Variants in PDE2A observed in about 807,000 individuals in gnomAD.
PDE2A encodes phosphodiesterase 2A.
PDE2A carries 53 observed loss-of-function variants against 133.6 expected under a neutral mutation model. The ratio of observed to expected loss-of-function variants is 0.40; its 90% CI spans 0.32 to 0.50. PDE2A has a LOEUF of 0.50. PDE2A is among the 20% of genes least tolerant of loss of function. PDE2A has a pLI of 0.73. For synonymous variants in PDE2A, 491 were observed against 490.2 expected (o/e 1.00, Z -0.02); for missense variants, 796 against 1,232.4 (o/e 0.65, Z 5.30).
At chr11:72,662,705 CG>C (rs1458284873) in intron 1 of PDE2A, among the ~76,000 whole-genome samples, 1 of 152,100 alleles carries the variant, frequency 6.6e-6, no homozygotes, top group Non-Finnish European at 1.5e-5. Context: ...GCAGGTGAGC[CG>C]GGAAGTAGCG....
At chr11:72,666,329 G>A (rs1409375329) in intron 1 of PDE2A, among the ~76,000 whole-genome samples, 1 of 152,162 alleles carries the variant, frequency 6.6e-6, no homozygotes, top group Non-Finnish European at 1.5e-5. Context: ...TTCAGTAGTT[G>A]CATCAGTACA....
At chr11:72,615,624 C>T (rs992159189) in intron 2 of PDE2A, among the ~76,000 whole-genome samples, 3 of 151,904 alleles carry the variant, frequency 2.0e-5, no homozygotes, top group Non-Finnish European at 4.4e-5. Flanking sequence ...GCTGCTTCAT[C>T]TACAGGGAAG....
At chr11:72,579,181 G>T in intron 27 of PDE2A, 103 bp downstream of exon 27, 1 of 988,758 alleles carries the variant, frequency 1.0e-6, no homozygotes, top group Non-Finnish European at 1.6e-6. Flanking sequence ...GAGAAGGGTT[G>T]ATGTTGCAGG....
At chr11:72,659,269 C>T (rs1461594902) in intron 1 of PDE2A, 1 of 149,050 alleles carries the variant, frequency 6.7e-6, no homozygotes, top group African/African-American at 2.5e-5. Context: ...TGTTGCCGTC[C>T]CAGTTCTCAA....
intron 1 of PDE2A, among the ~76,000 whole-genome samples, chr11:72,655,759 G>C (rs1339487702): frequency 6.6e-6 from 1 of 151,990 alleles, no homozygotes; most frequent in African/African-American, 2.4e-5. Context: ...TGCTACACGA[G>C]AGCTTTTATT....
intron 2 of PDE2A, among the ~76,000 whole-genome samples, chr11:72,619,867 T>A (rs1362580340): frequency 1.3e-5 from 2 of 152,082 alleles, no homozygotes; most frequent in Non-Finnish European, 2.9e-5. Context: ...CTGGGCTCAG[T>A]TCCTCATCCG....
intron 4 of PDE2A, among the ~76,000 whole-genome samples, chr11:72,598,049 T>C (rs1431416052): frequency 2.0e-5 from 3 of 152,198 alleles, no homozygotes; most frequent in Admixed American, 6.5e-5. Flanking sequence ...TTGATCAGCT[T>C]TTAGTGCTAA....
chr11:72,672,795 T>C (rs1855415203), intron 1 of PDE2A, among the ~76,000 whole-genome samples: 2 of 151,964 alleles, frequency 1.3e-5, no homozygotes, highest in Admixed American at 1.3e-4. Context: ...GCAGAGTCAT[T>C]ATTGCCTATT....
chr11:72,615,502 G>A (rs1251114318), intron 2 of PDE2A, among the ~76,000 whole-genome samples: 1 of 152,208 alleles, frequency 6.6e-6, no homozygotes. Flanking sequence ...GTGGGTAGAG[G>A]GAGGGAGGCA....
intron 2 of PDE2A, among the ~76,000 whole-genome samples, chr11:72,619,728 G>A (rs969253065): frequency 6.6e-6 from 1 of 152,156 alleles, no homozygotes; most frequent in African/African-American, 2.4e-5. Context: ...TGAGAGTGGT[G>A]GAATCTGAGA....
At chr11:72,659,618 C>A (rs1352409263) in intron 1 of PDE2A, among the ~76,000 whole-genome samples, 1 of 152,106 alleles carries the variant, frequency 6.6e-6, no homozygotes, top group Non-Finnish European at 1.5e-5. Context: ...ACAAAAGTGA[C>A]CCCCTTCTTT....
At chr11:72,607,452 G>A (rs974979396) in intron 3 of PDE2A, among the ~76,000 whole-genome samples, 3 of 152,046 alleles carry the variant, frequency 2.0e-5, no homozygotes, top group Non-Finnish European at 4.4e-5. Context: ...CCTTAGTCCC[G>A]TCCTTCTCCA....
At chr11:72,601,397 C>T in intron 4 of PDE2A, among the ~76,000 whole-genome samples, 1 of 147,998 alleles carries the variant, frequency 6.8e-6, no homozygotes, top group East Asian at 2.0e-4. Flanking sequence ...CTCCTTCCCC[C>T]AGCATGTGAG....
intron 1 of PDE2A, among the ~76,000 whole-genome samples, chr11:72,665,060 C>T (rs1231263210): frequency 6.6e-6 from 1 of 152,182 alleles, no homozygotes; most frequent in East Asian, 1.9e-4. Context: ...CCCACCTCAG[C>T]CTCCCAAAGT....
chr11:72,589,976 CT>C lies in PDE2A; in HGVS notation c.761del (p.Gln254ArgfsTer39), dbSNP rs758761715. On this transcript the variant is annotated frameshift_variant, in exon 10 of 31. Coordinates refer to ENST00000334456, the MANE Select transcript of PDE2A (RefSeq NM_002599.5). LOFTEE classifies it high-confidence loss of function. ...SLQLKVLQYL[Q>X]QETRASRCCL... ...AGCAGCGGGATGCCCGGGTCTCCTG[CT>C]GCAGCTGAGAGAGGGACAGGCAGGG... 5 of 1,611,828 alleles carry C rather than the reference CT, an allele frequency of 3.1e-6. No individual in the cohort carries two copies. The highest frequency in any genetic ancestry group is 1.3e-5 in the African/African-American group (1 of 74,900).
chr11:72,628,234 C>T (rs746536436), intron 2 of PDE2A, among the ~76,000 whole-genome samples: 5 of 152,214 alleles, frequency 3.3e-5, no homozygotes, highest in Admixed American at 6.5e-5. Flanking sequence ...GCCAGGCCTG[C>T]GCCGGGCACC....
rs1488418630 is a variant in PDE2A at position 72,582,573 on chromosome 11, G to A, written c.1729-7C>T. The A allele has an allele frequency of 1.2e-6, 2 of 1,608,982 alleles. No individual in the cohort carries two copies. The highest frequency in any genetic ancestry group is 2.7e-5 in the African/African-American group (2 of 74,748). On this transcript the variant is annotated splice_region_variant and splice_polypyrimidine_tract_variant and intron_variant, in intron 20 of 30. Coordinates refer to ENST00000334456, the MANE Select transcript of PDE2A (RefSeq NM_002599.5). The stretch of plus-strand genomic sequence containing the variant: ...TATACTCATCATCGGAGACCTAGAG[G>A]AGACCAGCCAGAGCATTAGAAGACA...
At chr11:72,655,556 GAGC>G (rs1854875425) in intron 1 of PDE2A, among the ~76,000 whole-genome samples, 1 of 152,044 alleles carries the variant, frequency 6.6e-6, no homozygotes, top group Admixed American at 6.5e-5. Flanking sequence ...TGAGTCAGTA[GAGC>G]AGGAGTTGTG....
chr11:72,660,211 G>T (rs1177302610), intron 1 of PDE2A, among the ~76,000 whole-genome samples: 1 of 152,178 alleles, frequency 6.6e-6, no homozygotes, highest in South Asian at 2.1e-4. Context: ...TTTACTGTAT[G>T]TAAATTATGC....
Sources: allele counts gnomAD v4.1 joint callset (sites outside exome capture counted in the v4.1 genomes callset), GRCh38; gene constraint gnomAD v4.1.1; transcripts MANE v1.5; gene names NCBI Gene and HGNC (gene_info 2026-07-23, HGNC 2026-07-21).